The following RBFOX1 variants were observed in gnomAD, a reference collection of about 807,000 sequenced individuals.
The protein encoded by RBFOX1 is RNA binding fox-1 homolog 1.
A neutral mutation model predicts 57.7 loss-of-function variants in RBFOX1; 8 were observed. The ratio of observed to expected loss-of-function variants is 0.14; its 90% CI spans 0.08 to 0.25. The LOEUF (loss-of-function observed/expected upper bound fraction) is 0.25, where lower values mean the gene tolerates loss of function less well. Among genes scored for constraint, RBFOX1 ranks in the 10% least tolerant of loss-of-function variants. RBFOX1 has a pLI of 1.00. For synonymous variants in RBFOX1, 326 were observed against 222.4 expected (o/e 1.47, Z -4.15); for missense variants, 611 against 548.5 (o/e 1.11, Z -1.14).
intron 4 of RBFOX1, among the ~76,000 whole-genome samples, chr16:7,361,714 T>C (rs529650231): frequency 6.6e-6 from 1 of 152,310 alleles, no homozygotes; most frequent in Non-Finnish European, 1.5e-5. Flanking sequence ...TCGAAGATGC[T>C]TGAGGCATGC....
intron 3 of RBFOX1, among the ~76,000 whole-genome samples, chr16:6,918,854 G>C (rs181623427): frequency 6.6e-6 from 1 of 152,298 alleles, no homozygotes; most frequent in African/African-American, 2.4e-5. Flanking sequence ...CACATTGCAG[G>C]CTTGGCCCTT....
chr16:7,703,919 A>T (rs938407061), intron 14 of RBFOX1, among the ~76,000 whole-genome samples: 4 of 152,222 alleles, frequency 2.6e-5, no homozygotes, highest in African/African-American at 9.6e-5. Flanking sequence ...GCCTCTGCAG[A>T]CCAAAAGTCT....
At position 5,424,866 on chromosome 16, in the gene RBFOX1, C is replaced by CT. The variant is rs555116497; in HGVS notation, c.220-42347dup. On this transcript the variant is annotated intron_variant, in intron 1 of 2. Coordinates refer to the RBFOX1 transcript ENST00000585867. ...CTTTCTTTCTCTCTCTCTCTTCTTT[C>CT]TTTCTTTTTTTTCTTTCTTTCTTTC... is the stretch of plus-strand genomic sequence containing the variant. Among the ~76,000 whole-genome samples, 431 of 135,050 alleles carry CT rather than the reference C, an allele frequency of 3.2e-3. 11 individuals are homozygous for CT. The highest frequency in any genetic ancestry group is 9.5e-3 in the East Asian group (44 of 4,626). The allele number at this position is 135,050 out of a possible 152,430, so 88.6% of individuals were successfully genotyped here. A position where few individuals can be genotyped will look rare whatever the true frequency, so the allele number is the denominator to read the frequency against.
chr16:6,450,767 GTATA>G lies in RBFOX1; in HGVS notation c.-64+133729_-64+133732del, dbSNP rs371495786. Among the ~76,000 whole-genome samples, 387 of 34,136 alleles carry G rather than the reference GTATA, an allele frequency of 0.011. 46 individuals are homozygous for G. The East Asian group carries it at 0.15, about 13-fold the overall frequency. 22.4% of individuals were successfully genotyped at this position (34,136 alleles called of 152,430 possible). On this transcript the variant is annotated intron_variant, in intron 2 of 15. Coordinates refer to ENST00000550418, the MANE Select transcript of RBFOX1 (RefSeq NM_018723.4). ...TATATATATATACATATATATATGT[GTATA>G]TATATATATATATATATACATATAT...
intron 2 of RBFOX1, among the ~76,000 whole-genome samples, chr16:6,392,680 T>G (rs1331510681): frequency 6.6e-6 from 1 of 152,120 alleles, no homozygotes; most frequent in Non-Finnish European, 1.5e-5. Flanking sequence ...TGCCTCAGAG[T>G]AGATGTTGTT....
At chr16:7,706,726 C>G (rs1344500982) in intron 14 of RBFOX1, among the ~76,000 whole-genome samples, 3 of 152,136 alleles carry the variant, frequency 2.0e-5, no homozygotes, top group African/African-American at 7.2e-5. Context: ...ATTTAAGTAC[C>G]TTAAAAATAA....
intron 3 of RBFOX1, among the ~76,000 whole-genome samples, chr16:6,911,718 A>T (rs921031126): frequency 1.3e-5 from 2 of 152,036 alleles, no homozygotes; most frequent in Non-Finnish European, 1.5e-5. Context: ...ATTTAATAAC[A>T]CTTTTATTTG....
chr16:5,796,390 C>G (rs2054879097), intron 3 of RBFOX1, among the ~76,000 whole-genome samples: 1 of 152,176 alleles, frequency 6.6e-6, no homozygotes, highest in South Asian at 2.1e-4. Context: ...CAAATATATC[C>G]ACAGTGATCA....
At chr16:6,940,630 C>T (rs2078213302) in intron 3 of RBFOX1, among the ~76,000 whole-genome samples, 1 of 152,126 alleles carries the variant, frequency 6.6e-6, no homozygotes, top group Non-Finnish European at 1.5e-5. Context: ...CGGAGTCTTA[C>T]TCTGTCACCC....
intron 3 of RBFOX1, among the ~76,000 whole-genome samples, chr16:6,719,751 G>T (rs17730711): frequency 6.6e-5 from 10 of 151,800 alleles, no homozygotes; most frequent in Non-Finnish European, 1.5e-4. Flanking sequence ...TGGCCAAAAT[G>T]ATGGTTTTTT....
chr16:7,374,802 A>G (rs919576445), intron 4 of RBFOX1, among the ~76,000 whole-genome samples: 22 of 152,150 alleles, frequency 1.4e-4, no homozygotes, highest in Non-Finnish European at 2.6e-4. Flanking sequence ...AGTTACCGCC[A>G]TGAGGTTTGG....
chr16:5,499,544 C>T (rs141955353), intron 2 of RBFOX1, among the ~76,000 whole-genome samples: 1,630 of 152,118 alleles, frequency 0.011, 13 homozygotes, highest in Middle Eastern at 0.02. Context: ...AAGATTTAAA[C>T]GCAGGTTTTT....
intron 2 of RBFOX1, among the ~76,000 whole-genome samples, chr16:5,494,045 G>A (rs556478645): frequency 5.7e-4 from 87 of 152,322 alleles, no homozygotes; most frequent in African/African-American, 2.0e-3. Flanking sequence ...ACTTCTTAAT[G>A]GAGCAGGAGG....
In RBFOX1 at chr16:5,447,378, A is replaced by ATCTCTCTCTCTCTCTCTC. The variant is rs71142623; in HGVS notation, c.220-19823_220-19806dup. ...TCATTCAATGTCAATCAATCAATCAATCTCTCTCTCTCTCTCTCTCTCTCT... is the reference window on the plus strand; with the variant it reads ...TCATTCAATGTCAATCAATCAATCAATCTCTCTCTCTCTCTCTCTCTCTCTCTCTCTCTCTCTCTCTCT... On this transcript the variant is annotated intron_variant, in intron 1 of 2. Coordinates refer to the RBFOX1 transcript ENST00000585867. Among the ~76,000 whole-genome samples the ATCTCTCTCTCTCTCTCTC allele has an allele frequency of 8.5e-3, 1,139 of 134,374 alleles. 53 individuals are homozygous for ATCTCTCTCTCTCTCTCTC. Among genetic ancestry groups the ATCTCTCTCTCTCTCTCTC allele is most frequent in the African/African-American group, 0.021 (705 of 33,310 alleles). 88.2% of individuals were successfully genotyped at this position (134,374 alleles called of 152,430 possible). A position where few individuals can be genotyped will look rare whatever the true frequency, so the allele number is the denominator to read the frequency against.
intron 3 of RBFOX1, among the ~76,000 whole-genome samples, chr16:5,754,013 A>G (rs1444693353): frequency 6.6e-6 from 1 of 152,150 alleles, no homozygotes; most frequent in Non-Finnish European, 1.5e-5. Flanking sequence ...AATCTAACTC[A>G]GCCATTCTCA....
At chr16:6,600,800 T>G (rs1004879616) in intron 2 of RBFOX1, among the ~76,000 whole-genome samples, 1 of 151,872 alleles carries the variant, frequency 6.6e-6, no homozygotes, top group African/African-American at 2.4e-5. Flanking sequence ...AAGGACATAG[T>G]CAATGTAAGA....
At chr16:6,373,081 C>T (rs1223595344) in intron 2 of RBFOX1, among the ~76,000 whole-genome samples, 1 of 138,098 alleles carries the variant, frequency 7.2e-6, no homozygotes, top group Admixed American at 7.4e-5. Context: ...ATTGTGATCA[C>T]TGGGTAGGAG....
At chr16:6,048,756 A>G (rs2095520868) in intron 1 of RBFOX1, among the ~76,000 whole-genome samples, 2 of 152,218 alleles carry the variant, frequency 1.3e-5, no homozygotes, top group Non-Finnish European at 2.9e-5. Context: ...AAAACCTATA[A>G]GAGGTAGGTA....
At chr16:7,283,917 A>G (rs1210750426) in intron 4 of RBFOX1, among the ~76,000 whole-genome samples, 1 of 152,224 alleles carries the variant, frequency 6.6e-6, no homozygotes, top group African/African-American at 2.4e-5. Context: ...CGTCATTCCA[A>G]AAACTTGCCT....
Sources: gnomAD v4.1 joint callset for allele counts (sites outside exome capture counted in the v4.1 genomes callset) on GRCh38, gnomAD v4.1.1 for gene constraint, MANE v1.5 for transcripts, NCBI Gene and HGNC (gene_info 2026-07-23, HGNC 2026-07-21) for gene names.